CPSF1: variants seen among roughly 807,000 people sequenced by gnomAD.
The protein encoded by CPSF1 is cleavage and polyadenylation specific factor 1, also known as cleavage and polyadenylation specificity factor subunit 1.
CPSF1 carries 106 observed loss-of-function variants against 175.8 expected under a neutral mutation model. The ratio of observed to expected loss-of-function variants is 0.60; its 90% CI spans 0.52 to 0.71. The LOEUF (loss-of-function observed/expected upper bound fraction) is 0.71, where lower values mean the gene tolerates loss of function less well. Ranked by LOEUF, CPSF1 falls within the 30% of genes least tolerant of loss-of-function variation. CPSF1 has a pLI of 0.00. For synonymous variants in CPSF1, 1,024 were observed against 858.3 expected, an observed-to-expected ratio of 1.19 and a Z score of -3.37; for missense variants, 1,734 against 2,022.9, an observed-to-expected ratio of 0.86 and a Z score of 2.74.
intron 6 of CPSF1, 33 bp from the exon 7 acceptor site, chr8:144,400,850 G>C (rs1554866603): frequency 4.3e-6 from 7 of 1,610,340 alleles, no homozygotes; most frequent in Non-Finnish European, 5.1e-6. Flanking sequence ...AGGAGAGGAG[G>C]GGAGGCGGGG....
chr8:144,394,698 G>C lies in CPSF1; in HGVS notation c.3513C>G (p.Pro1171=), dbSNP rs376026448. 1.3e-5 allele frequency: 21 copies of C among 1,612,806 alleles called. No homozygotes were observed. Among genetic ancestry groups the C allele is most frequent in the South Asian group, 2.2e-5 (2 of 90,998 alleles). ...CATTGCAGTGGCACAGGGCGGTCACGGGCCCCTTCTGCTCCTTCTCGTAAA... is the reference window on the plus strand; with the variant it reads ...CATTGCAGTGGCACAGGGCGGTCACCGGCCCCTTCTGCTCCTTCTCGTAAA... ...KVLYEKEQKG[P]VTALCHCNGH... is the part of the protein sequence containing the mutation. The change falls in exon 31 of 38, where the codon CCC becomes CCG. Residue 1171 remains proline (P), a synonymous_variant. Transcript: ENST00000616140.
chr8:144,396,515 C>T lies in CPSF1; in HGVS notation c.2827-15G>A, dbSNP rs782817069. The stretch of plus-strand genomic sequence containing the variant: ...CAGATGAAGACCTGGGGGCAGGCAC[C>T]GTGAGGATGCTGTGGATGAGGATGC... On this transcript the variant is annotated splice_polypyrimidine_tract_variant and intron_variant, in intron 25 of 37. Transcript: ENST00000616140. The T allele has an allele frequency of 8.1e-6, 13 of 1,611,284 alleles. No homozygotes were observed. The African/African-American group carries it at 1.1e-4, about 13-fold the overall frequency.
chr8:144,402,747 A>G (rs1334809227), intron 2 of CPSF1, among the ~76,000 whole-genome samples: 1 of 152,164 alleles, frequency 6.6e-6, no homozygotes, highest in Non-Finnish European at 1.5e-5. Context: ...CAAAGGTTTC[A>G]GAAGTAATGA....
In CPSF1 at chr8:144,397,938, G is replaced by C. The variant is rs1554864676; in HGVS notation, c.2073+16C>G. 6.2e-7 allele frequency: 1 copy of C among 1,600,450 alleles called. No individual in the cohort carries two copies. The highest frequency in any genetic ancestry group is 8.5e-7 in the Non-Finnish European group (1 of 1,173,216). On this transcript the variant is annotated intron_variant, in intron 20 of 37. Coordinates refer to ENST00000616140, the MANE Select transcript of CPSF1 (RefSeq NM_013291.3). ...AGGGGCAGGGACAGGAGGGCGCCGGGAATGAGGGGGCCTACATGGTGCAGC... is the reference window on the plus strand; with the variant it reads ...AGGGGCAGGGACAGGAGGGCGCCGGCAATGAGGGGGCCTACATGGTGCAGC...
Position 144,396,751 on chromosome 8 carries a change from A to T in CPSF1, c.2683-10T>A. The T allele has an allele frequency of 1.2e-6, 2 of 1,613,398 alleles. No individual in the cohort carries two copies. The highest frequency in any genetic ancestry group is 1.7e-6 in the Non-Finnish European group (2 of 1,179,826). On this transcript the variant is annotated splice_polypyrimidine_tract_variant and intron_variant, in intron 24 of 37. Coordinates refer to ENST00000616140, the MANE Select transcript of CPSF1 (RefSeq NM_013291.3). ...TGATGTTGTGAGGGACCTGGGGGGG[A>T]ACCATGCAGGTCCTCCAGGGGCTGC...
In CPSF1 at chr8:144,393,871, C is replaced by T. The variant is rs782520798; in HGVS notation, c.4015+12G>A. Reference sequence around the variant, plus strand: ...GCCCCCCACCCAGACACACCTGCTCCCCCACACTCACCAAACCACGTGATG... The same window carrying T: ...GCCCCCCACCCAGACACACCTGCTCTCCCACACTCACCAAACCACGTGATG... On this transcript the variant is annotated intron_variant, in intron 35 of 37. Transcript: ENST00000616140. 2 of 1,606,884 alleles carry T rather than the reference C, an allele frequency of 1.2e-6. No individual in the cohort carries two copies. Among genetic ancestry groups the T allele is most frequent in the Admixed American group, 3.4e-5 (2 of 59,364 alleles).
chr8:144,393,416 G>A (rs782146540), intron 37 of CPSF1, 36 bp downstream of exon 37: 4 of 1,520,522 alleles, frequency 2.6e-6, no homozygotes, highest in South Asian at 2.4e-5. Context: ...TGCACACGGA[G>A]GGGCGGGGCG....
rs372025864 is a variant in CPSF1 at position 144,394,586 on chromosome 8, G to A, written c.3568-31C>T. 3.1e-5 allele frequency: 49 copies of A among 1,603,704 alleles called. No individual in the cohort carries two copies. The Admixed American group carries it at 3.8e-4, about 12-fold the overall frequency. On this transcript the variant is annotated intron_variant, in intron 31 of 37. Transcript: ENST00000616140. ...GGCGAGGGCGAGGGTGAGCGGGCGCGGACGGGGAGCCGGGTGAGGGTGAGC... is the reference window on the plus strand; with the variant it reads ...GGCGAGGGCGAGGGTGAGCGGGCGCAGACGGGGAGCCGGGTGAGGGTGAGC...
In CPSF1 at chr8:144,401,295, C is replaced by A; in HGVS notation, c.307-4G>T. 1.3e-6 allele frequency: 2 copies of A among 1,569,994 alleles called. No individual in the cohort carries two copies. The highest frequency in any genetic ancestry group is 2.4e-5 in the East Asian group (1 of 41,656). ...GGTCGTACTCCACCACAGACAGCTG[C>A]GGTCAGAGGGCACAGCCGTGGCTGC... On this transcript the variant is annotated splice_polypyrimidine_tract_variant and splice_region_variant and intron_variant, in intron 4 of 37. Transcript: ENST00000616140.
chr8:144,395,214 G>A (rs782121431), intron 28 of CPSF1, 32 bp from the exon 29 acceptor site: 2 of 1,612,776 alleles, frequency 1.2e-6, no homozygotes, highest in Non-Finnish European at 1.7e-6. Flanking sequence ...GTCAGAGTAG[G>A]GCTTCCCCAA....
rs373378719 is a variant in CPSF1 at position 144,398,888 on chromosome 8, G to A, written c.1549-20C>T. The A allele has an allele frequency of 6.2e-7, 1 of 1,609,268 alleles. No individual in the cohort carries two copies. The highest frequency in any genetic ancestry group is 8.5e-7 in the Non-Finnish European group (1 of 1,176,984). On this transcript the variant is annotated intron_variant, in intron 16 of 37. Coordinates refer to ENST00000616140, the MANE Select transcript of CPSF1 (RefSeq NM_013291.3). ...GCTCTTCTAGAATGATGATGGGGTGGGGGTGTGATGGGGGTGTGAGCCCAC... is the reference window on the plus strand; with the variant it reads ...GCTCTTCTAGAATGATGATGGGGTGAGGGTGTGATGGGGGTGTGAGCCCAC...
At chr8:144,401,812 G>A in intron 2 of CPSF1, 139 bp from the exon 3 acceptor site, 6 of 905,546 alleles carry the variant, frequency 6.6e-6, no homozygotes, top group South Asian at 5.3e-5. Context: ...AGGGAGAAGG[G>A]CTTCTGGAGA....
chr8:144,396,321 T>C, intron 26 of CPSF1, 27 bp downstream of exon 26: 2 of 1,568,486 alleles, frequency 1.3e-6, no homozygotes, highest in South Asian at 2.3e-5. Flanking sequence ...CATCAGCCAG[T>C]GCTGCTGGGA....
chr8:144,404,115 C>T (rs1180842103), intron 2 of CPSF1, among the ~76,000 whole-genome samples: 2 of 151,590 alleles, frequency 1.3e-5, no homozygotes, highest in Non-Finnish European at 2.9e-5. Context: ...CCCAGCTACT[C>T]AGGAGGCTAA....
chr8:144,406,859 A>G (rs1554869210), intron 2 of CPSF1, among the ~76,000 whole-genome samples: 1 of 151,950 alleles, frequency 6.6e-6, no homozygotes, highest in African/African-American at 2.4e-5. Context: ...ACCCTCCGCA[A>G]CCCCCACCAG....
intron 26 of CPSF1, 83 bp from the exon 27 acceptor site, chr8:144,395,634 G>T: frequency 1.7e-6 from 2 of 1,194,768 alleles, no homozygotes; most frequent in East Asian, 2.5e-5. Context: ...AGAGCCCTGG[G>T]ATGTTGCCCT....
At chr8:144,401,618 C>T in intron 3 of CPSF1, 28 bp downstream of exon 3, 1 of 1,611,876 alleles carries the variant, frequency 6.2e-7, no homozygotes, top group Non-Finnish European at 8.5e-7. Flanking sequence ...GGCACCCGCA[C>T]AGCCCCAGGC....
In CPSF1 at chr8:144,398,856, G is replaced by A; in HGVS notation, c.1561C>T (p.Pro521Ser). The change falls in exon 17 of 38, where the codon CCC becomes TCC. Residue 521 changes from proline (P) to serine (S), a missense_variant. Around this residue, in one of 10 missense-constraint regions of CPSF1, gnomAD observed 280 missense variants for 349.2 expected, o/e 0.80. Coordinates refer to ENST00000616140, the MANE Select transcript of CPSF1 (RefSeq NM_013291.3). Reference sequence around the variant, plus strand: ...AGCTCAAAGGTTGTCACCACCTGGGGCCGGATGCTCTTCTAGAATGATGAT... The same window carrying A: ...AGCTCAAAGGTTGTCACCACCTGGGACCGGATGCTCTTCTAGAATGATGAT... Reference protein sequence around the residue: ...ALSVLQKSIRPQVVTTFELPG... With the variant: ...ALSVLQKSIRSQVVTTFELPG... 1 of 1,610,172 alleles carries A rather than the reference G, an allele frequency of 6.2e-7. No individual in the cohort carries two copies. Among genetic ancestry groups the A allele is most frequent in the Non-Finnish European group, 8.5e-7 (1 of 1,177,278 alleles).
chr8:144,404,998 T>C (rs1247639431), intron 2 of CPSF1, among the ~76,000 whole-genome samples: 2 of 151,448 alleles, frequency 1.3e-5, no homozygotes, highest in Admixed American at 1.3e-4. Flanking sequence ...TGAGCCGAGA[T>C]TGTGCCACTG....
Sources: gnomAD v4.1 joint callset for allele counts (sites outside exome capture counted in the v4.1 genomes callset) on GRCh38, gnomAD v4.1.1 for gene constraint, gnomAD v4.1.1 regional missense constraint, MANE v1.5 for transcripts, NCBI Gene and HGNC (gene_info 2026-07-23, HGNC 2026-07-21) for gene names.